The following CCDC175 variants were observed in gnomAD, a reference collection of about 807,000 sequenced individuals.
CCDC175 encodes the protein coiled-coil domain-containing protein 175.
In CCDC175, 100 loss-of-function variants were observed where a neutral mutation model predicts 114.6. That is an observed-to-expected ratio of 0.87 (90% CI 0.74 to 1.03). The LOEUF (loss-of-function observed/expected upper bound fraction) is 1.03. Ranked by LOEUF, CCDC175 falls within the 50% of genes least tolerant of loss-of-function variation. CCDC175 has a pLI of 0.00. For missense variants in CCDC175, 880 were observed against 917.8 expected (o/e 0.96, Z 0.53); for synonymous variants, 306 against 308.7 (o/e 0.99, Z 0.09).
At chr14:59,552,569 C>G (rs917139912) in intron 7 of CCDC175, among the ~76,000 whole-genome samples, 22 of 152,306 alleles carry the variant, frequency 1.4e-4, no homozygotes, top group African/African-American at 5.3e-4. Flanking sequence ...ACCTCCCCCC[C>G]TCCAAAAGAA....
At chr14:59,570,111 C>A (rs533267497) in intron 3 of CCDC175, among the ~76,000 whole-genome samples, 1 of 152,224 alleles carries the variant, frequency 6.6e-6, no homozygotes, top group African/African-American at 2.4e-5. Context: ...TACAAAACTA[C>A]CCAAGGGGGT....
At chr14:59,525,868 T>C (rs898164475) in intron 15 of CCDC175, among the ~76,000 whole-genome samples, 4 of 152,180 alleles carry the variant, frequency 2.6e-5, no homozygotes, top group Admixed American at 2.6e-4. Flanking sequence ...TAATTTAAAG[T>C]ATATTGGAGA....
At chr14:59,552,148 C>G (rs1895546055) in intron 7 of CCDC175, among the ~76,000 whole-genome samples, 1 of 152,242 alleles carries the variant, frequency 6.6e-6, no homozygotes, top group Non-Finnish European at 1.5e-5. Flanking sequence ...AGTTTGAGAT[C>G]TGAGAACAGA....
At chr14:59,511,922 C>T (rs926851052) in intron 17 of CCDC175, 119 bp from the exon 18 acceptor site, 71 of 720,756 alleles carry the variant, frequency 9.9e-5, no homozygotes, top group Non-Finnish European at 9.1e-6. Context: ...TGTCTAGTTC[C>T]AAAATGACAG....
rs182811879 is a variant in CCDC175, at chr14:59,521,774, C to T, written c.1996-98G>A. 1.4e-4 allele frequency: 95 copies of T among 682,432 alleles called. 1 individual carries two copies. Among genetic ancestry groups the T allele is most frequent in the Admixed American group, 8.2e-4 (36 of 43,650 alleles). 42.3% of individuals were successfully genotyped at this position (682,432 alleles called of 1,614,324 possible). On this transcript the variant is annotated intron_variant, in intron 16 of 19. Coordinates refer to ENST00000537690, the MANE Select transcript of CCDC175 (RefSeq NM_001164399.2). Reference sequence around the variant, plus strand: ...CAAACATGTATAAATTCCTCCTCTGCGCCACCCACTATTCTAGGTACAGGG... The same window carrying T: ...CAAACATGTATAAATTCCTCCTCTGTGCCACCCACTATTCTAGGTACAGGG...
intron 13 of CCDC175, among the ~76,000 whole-genome samples, chr14:59,532,221 A>G (rs1163956092): frequency 6.6e-6 from 1 of 152,236 alleles, no homozygotes; most frequent in East Asian, 1.9e-4. Context: ...AACATATCTG[A>G]GAAAATTTCC....
intron 13 of CCDC175, among the ~76,000 whole-genome samples, chr14:59,533,987 T>A (rs796775768): frequency 3.2e-4 from 43 of 133,614 alleles, no homozygotes; most frequent in African/African-American, 7.5e-4. Flanking sequence ...AGACCCCTTT[T>A]AAAAAAAAAA....
At chr14:59,527,201 A>G (rs1280838302) in intron 14 of CCDC175, 27 bp from the exon 15 acceptor site, 11 of 1,200,128 alleles carry the variant, frequency 9.2e-6, no homozygotes, top group Non-Finnish European at 1.1e-5. Flanking sequence ...AAAAATAACT[A>G]CCTCAAAAAT....
At chr14:59,540,948 T>G (rs1894748373) in intron 10 of CCDC175, among the ~76,000 whole-genome samples, 1 of 152,110 alleles carries the variant, frequency 6.6e-6, no homozygotes, top group African/African-American at 2.4e-5. Flanking sequence ...TCTGCAACGG[T>G]TGTGGTGAAT....
intron 17 of CCDC175, 109 bp from the exon 18 acceptor site, chr14:59,511,912 TGTCTAGTTCCAA>T: frequency 1.3e-6 from 1 of 785,212 alleles, no homozygotes; most frequent in Non-Finnish European, 2.0e-6. Context: ...TATCTAAAAA[TGTCTAGTTCCAA>T]AATGACAGAA....
In CCDC175 at chr14:59,513,475, G is replaced by T. The variant is rs1316011810; in HGVS notation, c.2099-1672C>A. Reference sequence around the variant, plus strand: ...ATCAAGTCACTCCCACCCCAATATGGTGCTTTTCCAACTGTCTTAGCAAAC... The same window carrying T: ...ATCAAGTCACTCCCACCCCAATATGTTGCTTTTCCAACTGTCTTAGCAAAC... On this transcript the variant is annotated intron_variant, in intron 17 of 19. Coordinates refer to ENST00000537690, the MANE Select transcript of CCDC175 (RefSeq NM_001164399.2). Among the ~76,000 whole-genome samples, 5 of 152,194 alleles carry T rather than the reference G, an allele frequency of 3.3e-5. No individual in the cohort carries two copies. In the East Asian group the frequency reaches 9.6e-4, roughly 29 times the overall value.
chr14:59,510,608 G>T, intron 19 of CCDC175, 38 bp downstream of exon 19: 1 of 1,531,248 alleles, frequency 6.5e-7, no homozygotes, highest in Non-Finnish European at 8.8e-7. Flanking sequence ...AAAATAGCAG[G>T]AAGTCCCATG....
At chr14:59,565,576 G>T (rs1454705981) in intron 4 of CCDC175, among the ~76,000 whole-genome samples, 1 of 151,920 alleles carries the variant, frequency 6.6e-6, no homozygotes, top group Non-Finnish European at 1.5e-5. Context: ...GGATGGTGGC[G>T]TGCTCCTGTA....
intron 17 of CCDC175, among the ~76,000 whole-genome samples, chr14:59,518,522 T>C (rs1594987210): frequency 6.6e-6 from 1 of 152,140 alleles, no homozygotes; most frequent in Admixed American, 6.6e-5. Context: ...TGAACAGACA[T>C]TTCTCAAAAG....
chr14:59,539,586 A>C (rs1243163144), intron 11 of CCDC175, among the ~76,000 whole-genome samples: 1 of 151,522 alleles, frequency 6.6e-6, no homozygotes, highest in Non-Finnish European at 1.5e-5. Context: ...GTCTCAAAAA[A>C]AAAAGTGCAA....
rs937073716 is a variant in CCDC175, at chr14:59,531,776, A to T, written c.1758T>A (p.Ile586=). The T allele has an allele frequency of 6.7e-7, 1 of 1,487,032 alleles. No homozygotes were observed. Among genetic ancestry groups the T allele is most frequent in the African/African-American group, 1.4e-5 (1 of 70,884 alleles). 92.1% of individuals were successfully genotyped at this position (1,487,032 alleles called of 1,614,324 possible). The change falls in exon 14 of 20, where the codon ATT becomes ATA. Residue 586 remains isoleucine (I), a synonymous_variant. Coordinates refer to ENST00000537690, the MANE Select transcript of CCDC175 (RefSeq NM_001164399.2). The stretch of plus-strand genomic sequence containing the variant: ...TACTAAATGCTTCATATGTACCTGT[A>T]ATAATATTACTGAGCTCTTCTAACT... The part of the protein sequence containing the change: ...RRKLEELSNI[I]TAQRQEEDLL...
intron 17 of CCDC175, among the ~76,000 whole-genome samples, chr14:59,512,365 G>A (rs1470170156): frequency 6.6e-6 from 1 of 152,200 alleles, no homozygotes; most frequent in African/African-American, 2.4e-5. Flanking sequence ...GTGCCCGCAT[G>A]ACTGACCATC....
chr14:59,547,739 G>T (rs1895200343), intron 8 of CCDC175, among the ~76,000 whole-genome samples: 1 of 152,128 alleles, frequency 6.6e-6, no homozygotes, highest in Non-Finnish European at 1.5e-5. Flanking sequence ...AAACAACAAA[G>T]CTTCTCAATG....
At chr14:59,522,377 G>A (rs190670900) in intron 16 of CCDC175, among the ~76,000 whole-genome samples, 12 of 152,284 alleles carry the variant, frequency 7.9e-5, no homozygotes, top group Admixed American at 3.3e-4. Flanking sequence ...GTTTCTAAGC[G>A]TGTATTATAG....
Sources: gnomAD v4.1 joint callset for allele counts (sites outside exome capture counted in the v4.1 genomes callset) on GRCh38, gnomAD v4.1.1 for gene constraint, MANE v1.5 for transcripts, NCBI Gene and HGNC (gene_info 2026-07-23, HGNC 2026-07-21) for gene names.